The following ZFAND2A variants were observed in gnomAD, a reference collection of about 807,000 sequenced individuals.
ZFAND2A encodes the protein zinc finger AN1-type containing 2A, also known as AN1-type zinc finger protein 2A.
Under a neutral mutation model 11.6 loss-of-function variants are expected in ZFAND2A, and 20 were observed. That is an observed-to-expected ratio of 1.72 (90% CI 1.21 to 2.50). ZFAND2A has a LOEUF of 2.50. Ranked by LOEUF, ZFAND2A falls within the 30% of genes most tolerant of loss-of-function variation. The pLI, the probability that ZFAND2A is intolerant of heterozygous loss-of-function variation, is 0.00. For synonymous variants in ZFAND2A, 93 were observed against 60.6 expected, an observed-to-expected ratio of 1.54 and a Z score of -2.48; for missense variants, 234 against 182.9, an observed-to-expected ratio of 1.28 and a Z score of -1.61.
intron 4 of ZFAND2A, among the ~76,000 whole-genome samples, chr7:1,153,743 G>A (rs529411932): frequency 1.1e-3 from 169 of 152,290 alleles, no homozygotes; most frequent in African/African-American, 3.6e-3. Flanking sequence ...TCAGGAGTTC[G>A]AGACAAGCTT....
chr7:1,153,334 G>A, intron 4 of ZFAND2A, 110 bp from the exon 5 acceptor site: 3 of 1,217,192 alleles, frequency 2.5e-6, no homozygotes, highest in Non-Finnish European at 3.4e-6. Flanking sequence ...TGCAACCTCT[G>A]CCTCCTGGAC....
downstream of ZFAND2A, chr7:1,152,870 T>C (rs1793426759): frequency 1.2e-6 from 1 of 825,894 alleles, no homozygotes; most frequent in Non-Finnish European, 2.0e-6. Context: ...TTTTAGTACT[T>C]GGTGACGGCA....
intron 4 of ZFAND2A, among the ~76,000 whole-genome samples, chr7:1,154,526 A>G (rs778942423): frequency 3.7e-4 from 56 of 152,086 alleles, no homozygotes; most frequent in Non-Finnish European, 6.8e-4. Context: ...TGTGCCAGAG[A>G]GCTGTGATGT....
chr7:1,150,225 C>A (rs1307750848), downstream of ZFAND2A, among the ~76,000 whole-genome samples: 2 of 152,086 alleles, frequency 1.3e-5, no homozygotes, highest in African/African-American at 4.8e-5. Flanking sequence ...CCGTCATCGA[C>A]AGAAACATCG....
chr7:1,152,269 C>T, downstream of ZFAND2A: 1 of 1,580,268 alleles, frequency 6.3e-7, no homozygotes, highest in Non-Finnish European at 8.6e-7. Flanking sequence ...ACCCGAGTCG[C>T]TGGGCCAGCC....
downstream of ZFAND2A, among the ~76,000 whole-genome samples, chr7:1,151,761 T>TAAAAAAAAAAAAAAAAA (rs76095900): frequency 8.8e-5 from 2 of 22,778 alleles, no homozygotes; most frequent in Non-Finnish European, 1.9e-4. Flanking sequence ...TTCATCCCTT[T>TAAAAAAAAAAAAAAAAA]TAAAAAAAAA....
At chr7:1,149,902 G>C (rs1483899904), downstream of ZFAND2A, among the ~76,000 whole-genome samples, 1 of 150,684 alleles carries the variant, frequency 6.6e-6, no homozygotes. Flanking sequence ...ACCCAGGCTG[G>C]AGTGCAATGG....
chr7:1,149,848 C>T (rs953001081), downstream of ZFAND2A, among the ~76,000 whole-genome samples: 8 of 147,266 alleles, frequency 5.4e-5, no homozygotes, highest in East Asian at 1.6e-3. Context: ...CTAGCTTGTT[C>T]TTAAGTTTTT....
intron 1 of ZFAND2A, among the ~76,000 whole-genome samples, chr7:1,158,976 T>C (rs1793604315): frequency 6.6e-6 from 1 of 151,922 alleles, no homozygotes; most frequent in African/African-American, 2.4e-5. Context: ...ATCAGCTCTC[T>C]CCCCACTCCT....
downstream of ZFAND2A, chr7:1,152,325 A>AG: frequency 6.3e-7 from 1 of 1,578,172 alleles, no homozygotes; most frequent in African/African-American, 1.3e-5. Context: ...CTGGATTCAG[A>AG]GACTGTCATG....
At chr7:1,158,705 G>A (rs1197769406) in intron 1 of ZFAND2A, among the ~76,000 whole-genome samples, 2 of 152,148 alleles carry the variant, frequency 1.3e-5, no homozygotes, top group Non-Finnish European at 2.9e-5. Context: ...AACTCCCTTA[G>A]GCATTGAATC....
chr7:1,160,136 G>C lies in ZFAND2A; in HGVS notation c.-218C>G, dbSNP rs143709938. 1,884 of 152,676 alleles carry C rather than the reference G, an allele frequency of 0.012. 29 individuals are homozygous for C. Among genetic ancestry groups the C allele is most frequent in the Middle Eastern group, 0.037 (11 of 300 alleles). The allele number at this position is 152,676 out of a possible 1,614,324, so 9.5% of individuals were successfully genotyped here. A position where few individuals can be genotyped will look rare whatever the true frequency, so the allele number is the denominator to read the frequency against. ...CACCCACACCGGAACGCAACATCTC[G>C]CTGCCCGCGGCCTACGGGGATTTAT... On this transcript the variant is annotated 5_prime_UTR_variant, in exon 1 of 5. Transcript: ENST00000316495.
chr7:1,154,638 G>A (rs11763865), intron 4 of ZFAND2A, among the ~76,000 whole-genome samples: 38,594 of 152,172 alleles, frequency 0.25, 5,345 homozygotes, highest in African/African-American at 0.36. Context: ...GCAAGCTTCC[G>A]CACAGAGAAT....
intron 4 of ZFAND2A, among the ~76,000 whole-genome samples, chr7:1,155,219 A>T (rs79163292): frequency 0.027 from 4,064 of 152,338 alleles, 81 homozygotes; most frequent in African/African-American, 0.051. Context: ...GGAAACTAGT[A>T]AATTCCAGTC....
downstream of ZFAND2A, chr7:1,152,041 T>G (rs899546156): frequency 3.9e-6 from 2 of 507,952 alleles, no homozygotes; most frequent in Non-Finnish European, 6.7e-6. Context: ...AAACCAGCTG[T>G]ATGATGCTGC....
chr7:1,149,345 G>T (rs920292863), downstream of ZFAND2A, among the ~76,000 whole-genome samples: 2 of 152,174 alleles, frequency 1.3e-5, no homozygotes, highest in African/African-American at 4.8e-5. Flanking sequence ...GCAGACGCAG[G>T]GAAGTGGCTT....
At chr7:1,150,070 C>G (rs1793369897), downstream of ZFAND2A, among the ~76,000 whole-genome samples, 2 of 151,814 alleles carry the variant, frequency 1.3e-5, no homozygotes, top group African/African-American at 4.8e-5. Context: ...CCAGGCTGGT[C>G]TCAAACTCCT....
At chr7:1,149,359 C>T (rs1793357036), downstream of ZFAND2A, among the ~76,000 whole-genome samples, 1 of 152,190 alleles carries the variant, frequency 6.6e-6, no homozygotes, top group African/African-American at 2.4e-5. Context: ...GTGGCTTGTC[C>T]AAGTGCAGTC....
At chr7:1,152,129 C>CG (rs778778452), downstream of ZFAND2A, 107 of 1,312,918 alleles carry the variant, frequency 8.1e-5, no homozygotes, top group Non-Finnish European at 1.1e-4. Flanking sequence ...TCCATCCTGA[C>CG]GAAGTCGCAC....
Sources: allele counts gnomAD v4.1 joint callset (sites outside exome capture counted in the v4.1 genomes callset), GRCh38; gene constraint gnomAD v4.1.1; transcripts MANE v1.5; gene names NCBI Gene and HGNC (gene_info 2026-07-23, HGNC 2026-07-21).